The following KLHL17 variants were observed in gnomAD, a reference collection of about 807,000 sequenced individuals.
KLHL17 encodes kelch-like protein 17.
KLHL17 carries 71 observed loss-of-function variants against 64.6 expected under a neutral mutation model. That is an observed-to-expected ratio of 1.10 (90% CI 0.91 to 1.34). The LOEUF (loss-of-function observed/expected upper bound fraction) is 1.34, where lower values mean the gene tolerates loss of function less well. KLHL17 is among the 40% of genes most tolerant of loss of function. The probability of loss-of-function intolerance (pLI) is 0.00; values close to 1 mark genes in which losing one functional copy is unlikely to be tolerated. For synonymous variants in KLHL17, 612 were observed against 405.4 expected (o/e 1.51, Z -6.12); for missense variants, 1,140 against 935.0 (o/e 1.22, Z -2.86).
Position 961,316 on chromosome 1 carries a change from C to T in KLHL17, c.131C>T (p.Pro44Leu), listed in dbSNP as rs1642633183. Residue 44 changes from proline (P) to leucine (L), a missense_variant, in exon 2 of 12, where the codon CCC becomes CTC. Physicochemically the swap from Pro to Leu is moderately conservative, Grantham distance 98 (BLOSUM62 -3). Coordinates refer to ENST00000338591, the MANE Select transcript of KLHL17 (RefSeq NM_198317.3). ...AGCCCCGAGGCAGAGCGCACGCGGC[C>T]CCGGCAGGCTCGGCCCGCAGCCCCC... ...PPAPEAERTR[P>L]RQARPAAPME... 3 of 1,530,902 alleles carry T rather than the reference C, an allele frequency of 2.0e-6. No homozygotes were observed. The highest frequency in any genetic ancestry group is 2.6e-6 in the Non-Finnish European group (3 of 1,144,976). 94.8% of individuals were successfully genotyped at this position (1,530,902 alleles called of 1,614,324 possible). A position where few individuals can be genotyped will look rare whatever the true frequency, so the allele number is the denominator to read the frequency against.
rs549973352 is a variant in KLHL17, at chr1:962,342, C to T, written c.712-13C>T. The T allele has an allele frequency of 7.4e-6, 12 of 1,612,360 alleles. No homozygotes were observed. Among genetic ancestry groups the T allele is most frequent in the East Asian group, 2.2e-5 (1 of 44,868 alleles). Reference sequence around the variant, plus strand: ...CCTCCCCAGATCTCAGGTCTGAGGACCCCCACTCCCAGGTTCTGGAACTGG... The same window carrying T: ...CCTCCCCAGATCTCAGGTCTGAGGATCCCCACTCCCAGGTTCTGGAACTGG... On this transcript the variant is annotated splice_polypyrimidine_tract_variant and intron_variant, in intron 4 of 11. Transcript: ENST00000338591.
In KLHL17 at chr1:962,920, A is replaced by G. The variant is rs375635305; in HGVS notation, c.1042+3A>G. The G allele has an allele frequency of 1.9e-6, 3 of 1,543,926 alleles. No individual in the cohort carries two copies. The highest frequency in any genetic ancestry group is 2.6e-6 in the Non-Finnish European group (3 of 1,148,912). ...CGGGCCTGTGCTTTTTGCTGTGGGT[A>G]TGGCCCCCCGCCCGTTTCCCTCTTG... is the stretch of plus-strand genomic sequence containing the variant. On this transcript the variant is annotated splice_donor_region_variant and intron_variant, in intron 6 of 11. Coordinates refer to ENST00000338591, the MANE Select transcript of KLHL17 (RefSeq NM_198317.3).
chr1:962,529 G>C (rs1557631322), intron 5 of KLHL17, 58 bp downstream of exon 5: 1 of 1,595,472 alleles, frequency 6.3e-7, no homozygotes, highest in Non-Finnish European at 8.5e-7. Flanking sequence ...AGGTGGCTGA[G>C]GGCCTGGTGC....
In KLHL17 at chr1:965,068, C is replaced by A. The variant is rs199568695; in HGVS notation, c.1806C>A (p.Asn602Lys). The change falls in exon 12 of 12, where the codon AAC (asparagine) becomes AAA (lysine). Residue 602 changes from asparagine (N) to lysine (K), a missense_variant. Transcript: ENST00000338591. Reference sequence around the variant, plus strand: ...TCGAGAAGTACAACCCGAGGACCAACAAGTGGGTGGCCGCATCCTGCATGT... The same window carrying A: ...TCGAGAAGTACAACCCGAGGACCAAAAAGTGGGTGGCCGCATCCTGCATGT... ...NSIEKYNPRT[N>K]KWVAASCMFT... 1 of 1,612,698 alleles carries A rather than the reference C, an allele frequency of 6.2e-7. No homozygotes were observed. Among genetic ancestry groups the A allele is most frequent in the African/African-American group, 1.3e-5 (1 of 75,024 alleles).
rs774745425 is a variant in KLHL17, at chr1:964,366, C to G, written c.1536C>G (p.Pro512=). The change falls in exon 11 of 12, where the codon CCC becomes CCG. Residue 512 remains proline, a synonymous_variant. Coordinates refer to ENST00000338591, the MANE Select transcript of KLHL17 (RefSeq NM_198317.3). Reference sequence around the variant, plus strand: ...GCCCCCAGGTGAACGTGTGGTCGCCCGTGGCGTCCATGCTGAGCCGACGCA... The same window carrying G: ...GCCCCCAGGTGAACGTGTGGTCGCCGGTGGCGTCCATGCTGAGCCGACGCA... ...KYEPQVNVWS[P]VASMLSRRSS... is the part of the protein sequence containing the mutation. 74 of 1,555,650 alleles carry G rather than the reference C, an allele frequency of 4.8e-5. No individual in the cohort carries two copies. Among genetic ancestry groups the G allele is most frequent in the Non-Finnish European group, 5.8e-5 (67 of 1,151,588 alleles).
chr1:965,653 C>T lies in KLHL17; in HGVS notation c.*462C>T, dbSNP rs533323942. 16 of 174,566 alleles carry T rather than the reference C, an allele frequency of 9.2e-5. No homozygotes were observed. Among genetic ancestry groups the T allele is most frequent in the African/African-American group, 3.1e-4 (13 of 41,854 alleles). The allele number at this position is 174,566 out of a possible 1,614,324, so 10.8% of individuals were successfully genotyped here. A position where few individuals can be genotyped will look rare whatever the true frequency, so the allele number is the denominator to read the frequency against. ...TCCTGGATCTTGTAGTGGGTGCACA[C>T]GCGTGCACTGGGACCCCACACAGCA... On this transcript the variant is annotated 3_prime_UTR_variant, in exon 12 of 12. Coordinates refer to ENST00000338591, the MANE Select transcript of KLHL17 (RefSeq NM_198317.3).
Position 965,236 on chromosome 1 carries a change from G to T in KLHL17, c.*45G>T. 1.9e-6 allele frequency: 3 copies of T among 1,553,642 alleles called. No homozygotes were observed. Among genetic ancestry groups the T allele is most frequent in the Middle Eastern group, 1.7e-4 (1 of 5,892 alleles). ...CTGCAGCCTCCCACATGCCTTAAGG[G>T]GACCGTGGCCCCCACCAGGGACGTC... On this transcript the variant is annotated 3_prime_UTR_variant, in exon 12 of 12. Coordinates refer to ENST00000338591, the MANE Select transcript of KLHL17 (RefSeq NM_198317.3).
chr1:963,149 C>G lies in KLHL17; in HGVS notation c.1083C>G (p.Ala361=). The G allele has an allele frequency of 1.2e-6, 2 of 1,611,980 alleles. No homozygotes were observed. ...SLFAIHGDCE[A]YDTRTDRWHV... ...TTGCCATCCACGGAGACTGTGAGGC[C>G]TACGACACGCGCACCGACCGCTGGC... Residue 361 remains alanine, a synonymous_variant, in exon 7 of 12, where the codon GCC becomes GCG. Coordinates refer to ENST00000338591, the MANE Select transcript of KLHL17 (RefSeq NM_198317.3).
chr1:963,079 AC>A (rs769545201), intron 6 of KLHL17, 29 bp from the exon 7 acceptor site: 3 of 1,606,416 alleles, frequency 1.9e-6, no homozygotes, highest in Non-Finnish European at 2.5e-6. Flanking sequence ...GGATCCACTC[AC>A]GAGTCCCGTC....
At chr1:960,871 C>A in intron 1 of KLHL17, 71 bp downstream of exon 1, 1 of 958,876 alleles carries the variant, frequency 1.0e-6, no homozygotes, top group South Asian at 4.8e-5. Context: ...CGCGTCCGCT[C>A]GCAGAAGGGG....
chr1:964,270 C>T, intron 10 of KLHL17, 79 bp from the exon 11 acceptor site: 1 of 1,591,814 alleles, frequency 6.3e-7, no homozygotes, highest in Non-Finnish European at 8.6e-7. Context: ...ATTCCTGACA[C>T]CCCACCCTGG....
At chr1:963,044 G>T in intron 6 of KLHL17, 65 bp from the exon 7 acceptor site, 2 of 1,579,330 alleles carry the variant, frequency 1.3e-6, no homozygotes, top group Non-Finnish European at 1.7e-6. Flanking sequence ...GCCTCTCCAG[G>T]AGCCTGGGGT....
Position 962,424 on chromosome 1 carries a change from A to G in KLHL17, c.781A>G (p.Ser261Gly), listed in dbSNP as rs200158162. 211 of 1,612,676 alleles carry G rather than the reference A, an allele frequency of 1.3e-4. No individual in the cohort carries two copies. The Admixed American group carries it at 1.3e-3, about 10-fold the overall frequency. The change falls in exon 5 of 12, where the codon AGC becomes GGC. Residue 261 changes from serine to glycine, a missense_variant. By Grantham distance (56) the Ser-to-Gly change is moderately conservative (BLOSUM62 0). Coordinates refer to ENST00000338591, the MANE Select transcript of KLHL17 (RefSeq NM_198317.3). ...SEEEVYRAVL[S>G]WVKHDVDARR... ...GGAGGAGGTCTACCGAGCCGTCCTG[A>G]GCTGGGTGAAACACGACGTGGACGC...
At position 962,803 on chromosome 1, in the gene KLHL17, C is replaced by A. The variant is rs888007986; in HGVS notation, c.928C>A (p.Leu310Ile). The A allele has an allele frequency of 1.2e-6, 2 of 1,610,326 alleles. No homozygotes were observed. Among genetic ancestry groups the A allele is most frequent in the African/African-American group, 2.7e-5 (2 of 75,038 alleles). ...GAGGCACCACCCTGACTGCAAGGAC[C>A]TCCTCATCGAGGCCCTGAAGTTCCA... ...LVRHHPDCKD[L>I]LIEALKFHLL... The change falls in exon 6 of 12, where the codon CTC becomes ATC. Residue 310 changes from leucine to isoleucine, a missense_variant. Coordinates refer to ENST00000338591, the MANE Select transcript of KLHL17 (RefSeq NM_198317.3).
At position 963,518 on chromosome 1, in the gene KLHL17, G is replaced by A; in HGVS notation, c.1355+14G>A. On this transcript the variant is annotated intron_variant, in intron 8 of 11. Coordinates refer to ENST00000338591, the MANE Select transcript of KLHL17 (RefSeq NM_198317.3). ...CTGCCTGAACAGGTAGTTGGGGTTGGGGCCCCAGTGGCTTTGTACAGTCCA... is the reference window on the plus strand; with the variant it reads ...CTGCCTGAACAGGTAGTTGGGGTTGAGGCCCCAGTGGCTTTGTACAGTCCA... 6.3e-7 allele frequency: 1 copy of A among 1,598,424 alleles called. No homozygotes were observed. Among genetic ancestry groups the A allele is most frequent in the Non-Finnish European group, 8.5e-7 (1 of 1,171,594 alleles).
rs541320845 is a variant in KLHL17, at chr1:965,002, C to A, written c.1740C>A (p.Tyr580Ter). Residue 580 changes from tyrosine (Y) to a stop codon, truncating the protein, a stop_gained, in exon 12 of 12, where the codon TAC becomes TAA. Coordinates refer to ENST00000338591, the MANE Select transcript of KLHL17 (RefSeq NM_198317.3). LOFTEE classifies it high-confidence loss of function. ...HDLVAMDGWL[Y>*]AVGGNDGSSS... is the part of the protein sequence containing the mutation. ...TGGTGGCCATGGACGGATGGTTGTA[C>A]GCCGTGGGGGGTAACGACGGTAGCT... 1 of 1,612,108 alleles carries A rather than the reference C, an allele frequency of 6.2e-7. No individual in the cohort carries two copies. Among genetic ancestry groups the A allele is most frequent in the Non-Finnish European group, 8.5e-7 (1 of 1,179,604 alleles).
In KLHL17 at chr1:961,181, G is replaced by T. The variant is rs942521782; in HGVS notation, c.108-112G>T. 5 of 758,810 alleles carry T rather than the reference G, an allele frequency of 6.6e-6. No individual in the cohort carries two copies. The African/African-American group carries it at 7.5e-5, about 11-fold the overall frequency. The allele number at this position is 758,810 out of a possible 1,614,324, so 47.0% of individuals were successfully genotyped here. On this transcript the variant is annotated intron_variant, in intron 1 of 11. Coordinates refer to ENST00000338591, the MANE Select transcript of KLHL17 (RefSeq NM_198317.3). Reference sequence around the variant, plus strand: ...CGGAGGTCAGGCGAGGGCTGCCGGCGCCCCCGTCGCACCAGGGGCTGGGTC... The same window carrying T: ...CGGAGGTCAGGCGAGGGCTGCCGGCTCCCCCGTCGCACCAGGGGCTGGGTC...
rs1213934459 is a variant in KLHL17, at chr1:961,821, C to T, written c.490-5C>T. The T allele has an allele frequency of 1.2e-6, 2 of 1,610,304 alleles. No individual in the cohort carries two copies. The highest frequency in any genetic ancestry group is 1.7e-6 in the Non-Finnish European group (2 of 1,179,834). Reference sequence around the variant, plus strand: ...CTCCCTCACCTGCCTCTCGGTGCCCCGTAGACTCTGCTCCCAGCCGCCAGT... The same window carrying T: ...CTCCCTCACCTGCCTCTCGGTGCCCTGTAGACTCTGCTCCCAGCCGCCAGT... On this transcript the variant is annotated splice_polypyrimidine_tract_variant and splice_region_variant and intron_variant, in intron 3 of 11. Coordinates refer to ENST00000338591, the MANE Select transcript of KLHL17 (RefSeq NM_198317.3).
chr1:960,666 G>C lies in KLHL17; in HGVS notation c.-28G>C. On this transcript the variant is annotated 5_prime_UTR_variant, in exon 1 of 12. Transcript: ENST00000338591. ...CGTCCGTTAAGCCCGCGGGTCCTCC[G>C]CGAATCGGCGGTGGGTCCGGCAGCC... 1 of 1,359,142 alleles carries C rather than the reference G, an allele frequency of 7.4e-7. No individual in the cohort carries two copies. The highest frequency in any genetic ancestry group is 9.5e-7 in the Non-Finnish European group (1 of 1,050,858). 84.2% of individuals were successfully genotyped at this position (1,359,142 alleles called of 1,614,324 possible). A position where few individuals can be genotyped will look rare whatever the true frequency, so the allele number is the denominator to read the frequency against.
Sources: allele counts gnomAD v4.1 joint callset, GRCh38; gene constraint gnomAD v4.1.1; transcripts MANE v1.5; gene names NCBI Gene and HGNC (gene_info 2026-07-23, HGNC 2026-07-21).